The following ARHGAP18 variants were observed in gnomAD, a reference collection of about 807,000 sequenced individuals.
ARHGAP18 encodes rho GTPase-activating protein 18.
A neutral mutation model predicts 86.2 loss-of-function variants in ARHGAP18; 67 were observed. The ratio of observed to expected loss-of-function variants is 0.78; its 90% CI spans 0.64 to 0.95. ARHGAP18 has a LOEUF of 0.95. ARHGAP18 is among the 40% of genes least tolerant of loss of function. The probability of loss-of-function intolerance (pLI) is 0.00; values close to 1 mark genes in which losing one functional copy is unlikely to be tolerated. For missense variants in ARHGAP18, 691 were observed against 780.4 expected (o/e 0.89, Z 1.37); for synonymous variants, 283 against 280.4 (o/e 1.01, Z -0.09).
chr6:129,624,020 T>C (rs185205203), intron 5 of ARHGAP18, among the ~76,000 whole-genome samples: 6 of 152,214 alleles, frequency 3.9e-5, no homozygotes, highest in African/African-American at 1.4e-4. Context: ...TTGAATATAA[T>C]TAAGAAGGTA....
intron 12 of ARHGAP18, chr6:129,596,781 T>C (rs2114443778): frequency 6.6e-6 from 1 of 152,280 alleles, no homozygotes; most frequent in Middle Eastern, 3.4e-3. Flanking sequence ...GGAGGGGGCA[T>C]GGCTTACAGC....
intron 2 of ARHGAP18, among the ~76,000 whole-genome samples, chr6:129,639,315 A>T (rs1562705308): frequency 6.6e-6 from 1 of 152,192 alleles, no homozygotes; most frequent in Non-Finnish European, 1.5e-5. Flanking sequence ...GATCTAATGA[A>T]AGTTATTTAA....
At chr6:129,671,424 C>G (rs34668341) in intron 1 of ARHGAP18, among the ~76,000 whole-genome samples, 2 of 152,002 alleles carry the variant, frequency 1.3e-5, no homozygotes, top group African/African-American at 4.8e-5. Context: ...TAGGGCCAGG[C>G]GCAGTGGCTT....
chr6:129,696,641 G>A (rs1774622023), intron 1 of ARHGAP18, among the ~76,000 whole-genome samples: 1 of 152,096 alleles, frequency 6.6e-6, no homozygotes, highest in Non-Finnish European at 1.5e-5. Flanking sequence ...AATAATACCG[G>A]GCCCCTGCAT....
chr6:129,603,521 C>CATCT (rs1788791786), intron 10 of ARHGAP18, among the ~76,000 whole-genome samples: 1 of 152,154 alleles, frequency 6.6e-6, no homozygotes, highest in Admixed American at 6.6e-5. Flanking sequence ...AGCACAATTA[C>CATCT]TTAGTAGCTG....
rs1180869542 is a variant in ARHGAP18, at chr6:129,577,806, T to C, written c.*707A>G. On this transcript the variant is annotated 3_prime_UTR_variant, in exon 15 of 15. Coordinates refer to ENST00000368149, the MANE Select transcript of ARHGAP18 (RefSeq NM_033515.3). ...TCACATGGGTATATTTTATTTATTCTTAGTATATAAGTATTTAATGGTTCA... is the reference window on the plus strand; with the variant it reads ...TCACATGGGTATATTTTATTTATTCCTAGTATATAAGTATTTAATGGTTCA... The C allele has an allele frequency of 6.6e-6, 1 of 152,214 alleles. No individual in the cohort carries two copies. The highest frequency in any genetic ancestry group is 1.9e-4 in the East Asian group (1 of 5,204). The allele number at this position is 152,214 out of a possible 1,614,324, so 9.4% of individuals were successfully genotyped here.
intron 1 of ARHGAP18, among the ~76,000 whole-genome samples, chr6:129,696,527 T>C (rs1256617764): frequency 6.6e-6 from 1 of 152,196 alleles, no homozygotes; most frequent in Non-Finnish European, 1.5e-5. Flanking sequence ...CTGCAAACAA[T>C]AAATACCCAA....
intron 1 of ARHGAP18, among the ~76,000 whole-genome samples, chr6:129,654,207 G>C (rs751027345): frequency 2.0e-5 from 3 of 152,228 alleles, no homozygotes; most frequent in Non-Finnish European, 4.4e-5. Context: ...CCTGAAAAAG[G>C]TGAGGGGAGG....
At chr6:129,702,367 C>T (rs1774726381) in intron 1 of ARHGAP18, among the ~76,000 whole-genome samples, 2 of 152,172 alleles carry the variant, frequency 1.3e-5, no homozygotes, top group Admixed American at 1.3e-4. Flanking sequence ...GACTCATCCC[C>T]ACTCTCCTCA....
intron 4 of ARHGAP18, among the ~76,000 whole-genome samples, chr6:129,633,001 T>C (rs1562702345): frequency 6.6e-6 from 1 of 152,242 alleles, no homozygotes; most frequent in Non-Finnish European, 1.5e-5. Flanking sequence ...ACCTTTGTTT[T>C]AGTTTGTTAA....
chr6:129,610,413 G>C (rs1262146176), intron 8 of ARHGAP18, among the ~76,000 whole-genome samples: 2 of 152,208 alleles, frequency 1.3e-5, no homozygotes, highest in Admixed American at 1.3e-4. Flanking sequence ...CATCCAGAGA[G>C]AAGAAAAGGC....
At chr6:129,661,665 C>T (rs1773954621) in intron 1 of ARHGAP18, among the ~76,000 whole-genome samples, 1 of 152,136 alleles carries the variant, frequency 6.6e-6, no homozygotes, top group South Asian at 2.1e-4. Flanking sequence ...GGCTTGAGAA[C>T]AAGATGTTCT....
intron 4 of ARHGAP18, among the ~76,000 whole-genome samples, chr6:129,630,550 T>C (rs1403812355): frequency 1.3e-5 from 2 of 152,220 alleles, no homozygotes; most frequent in Non-Finnish European, 2.9e-5. Context: ...AAAAATTTAA[T>C]AGATAAATGT....
chr6:129,599,425 T>G, intron 11 of ARHGAP18, 69 bp from the exon 12 acceptor site: 1 of 1,261,456 alleles, frequency 7.9e-7, no homozygotes, highest in Non-Finnish European at 1.0e-6. Context: ...CAAAAAAAAA[T>G]TATATTTTTT....
chr6:129,691,230 T>C (rs1351747395), intron 1 of ARHGAP18, among the ~76,000 whole-genome samples: 1 of 152,164 alleles, frequency 6.6e-6, no homozygotes, highest in East Asian at 1.9e-4. Context: ...TTCCCTAACC[T>C]TATGCCTTGA....
intron 1 of ARHGAP18, among the ~76,000 whole-genome samples, chr6:129,685,225 G>A (rs1185704262): frequency 6.6e-6 from 1 of 152,094 alleles, no homozygotes; most frequent in Non-Finnish European, 1.5e-5. Context: ...TGAAATATAG[G>A]GCTGGGCACA....
In ARHGAP18 at chr6:129,634,134, A is replaced by G. The variant is rs527768572; in HGVS notation, c.553-29T>C. On this transcript the variant is annotated intron_variant, in intron 3 of 14. Coordinates refer to ENST00000368149, the MANE Select transcript of ARHGAP18 (RefSeq NM_033515.3). ...AACATAGAAAACAGGCCATTTAGTC[A>G]TCTCCAACTCAAAACCAGAGAAAAT... 1.6e-5 allele frequency: 25 copies of G among 1,603,314 alleles called. No homozygotes were observed. The African/African-American group carries it at 3.3e-4, about 21-fold the overall frequency.
intron 1 of ARHGAP18, among the ~76,000 whole-genome samples, chr6:129,670,570 C>T (rs1774124373): frequency 6.6e-6 from 1 of 152,114 alleles, no homozygotes; most frequent in Non-Finnish European, 1.5e-5. Context: ...AAACAAACTG[C>T]CTGAAGAGAA....
Position 129,618,866 on chromosome 6 carries a change from C to A in ARHGAP18, c.787-14G>T, listed in dbSNP as rs1411271695. On this transcript the variant is annotated splice_polypyrimidine_tract_variant and intron_variant, in intron 5 of 14. Transcript: ENST00000368149. ...CAATCTGAAACTCTAAAATAAACAT[C>A]ATTAATATAGTAAAAGCTTACAGTA... is the stretch of plus-strand genomic sequence containing the variant. The A allele has an allele frequency of 1.2e-6, 2 of 1,607,592 alleles. No homozygotes were observed. The highest frequency in any genetic ancestry group is 2.2e-5 in the East Asian group (1 of 44,798).
Sources: allele counts gnomAD v4.1 joint callset (sites outside exome capture counted in the v4.1 genomes callset), GRCh38; gene constraint gnomAD v4.1.1; transcripts MANE v1.5; gene names NCBI Gene and HGNC (gene_info 2026-07-23, HGNC 2026-07-21).